Variants in SYDE2 observed in about 807,000 individuals in gnomAD.
SYDE2 encodes synapse defective Rho GTPase homolog 2.
Under a neutral mutation model 91.5 loss-of-function variants are expected in SYDE2, and 76 were observed. The observed-to-expected ratio is 0.83, with a 90% CI of 0.69 to 1.01. The LOEUF (loss-of-function observed/expected upper bound fraction) is 1.01. SYDE2 is among the 50% of genes least tolerant of loss of function. The probability of loss-of-function intolerance (pLI) is 0.00; values close to 1 mark genes in which losing one functional copy is unlikely to be tolerated. For synonymous variants in SYDE2, 513 were observed against 506.4 expected (o/e 1.01, Z -0.18); for missense variants, 1,364 against 1,367.7 (o/e 1.00, Z 0.04).
chr1:85,190,115 G>A lies in SYDE2; in HGVS notation c.1383C>T (p.His461=), dbSNP rs766559650. 10 of 1,613,788 alleles carry A rather than the reference G, an allele frequency of 6.2e-6. No individual in the cohort carries two copies. The highest frequency in any genetic ancestry group is 5.0e-5 in the Admixed American group (3 of 60,002). ...CCACCATTATACCTTCTTGTGTCTT[G>A]TGTCCTAGCTTTTGCTTGTACTGCT... The part of the protein sequence containing the change: ...FVQQYKQKLG[H]KTQEGIMVED... Residue 461 remains histidine, a synonymous_variant, in exon 2 of 7, where the codon CAC becomes CAT. Transcript: ENST00000341460.
intron 4 of SYDE2, among the ~76,000 whole-genome samples, chr1:85,169,632 C>A (rs1657427027): frequency 6.6e-6 from 1 of 152,146 alleles, no homozygotes; most frequent in African/African-American, 2.4e-5. Flanking sequence ...AGTTTCTAGA[C>A]TTTAAATTGA....
At chr1:85,155,342 C>T (rs577643922), downstream of SYDE2, among the ~76,000 whole-genome samples, 3 of 152,064 alleles carry the variant, frequency 2.0e-5, no homozygotes, top group East Asian at 5.8e-4. Flanking sequence ...TTTCTTCTGT[C>T]GAGAAATAAA....
chr1:85,182,521 C>G lies in SYDE2; in HGVS notation c.2121G>C (p.Gln707His), dbSNP rs1424830089. The G allele has an allele frequency of 6.2e-7, 1 of 1,613,738 alleles. No homozygotes were observed. The highest frequency in any genetic ancestry group is 8.5e-7 in the Non-Finnish European group (1 of 1,179,856). Residue 707 changes from glutamine to histidine, a missense_variant, in exon 3 of 7, where the codon CAG becomes CAC. Physicochemically the swap from Gln to His is conservative, Grantham distance 24 (BLOSUM62 0). Coordinates refer to ENST00000341460, the MANE Select transcript of SYDE2 (RefSeq NM_032184.2). ...TTCTTGCTTTGTTTACTGAATCTAC[C>G]TGAATTGCACAAAAGACGTCTTTTG... ...IDSKDVFCAI[Q>H]VDSVNKARTA... is the part of the protein sequence containing the mutation.
chr1:85,194,146 A>G (rs2100692328), intron 1 of SYDE2, among the ~76,000 whole-genome samples: 1 of 151,774 alleles, frequency 6.6e-6, no homozygotes, highest in Admixed American at 6.6e-5. Flanking sequence ...AATAAACTTG[A>G]GCAATTATTT....
At chr1:85,195,962 C>G (rs1658570026) in intron 1 of SYDE2, among the ~76,000 whole-genome samples, 1 of 152,136 alleles carries the variant, frequency 6.6e-6, no homozygotes, top group African/African-American at 2.4e-5. Context: ...GGTCACAAGC[C>G]TGGTAAGTGG....
downstream of SYDE2, among the ~76,000 whole-genome samples, chr1:85,156,625 G>A (rs1339721549): frequency 2.0e-5 from 3 of 152,072 alleles, no homozygotes. Flanking sequence ...ACAAAAAAAT[G>A]ATAGAATTCT....
chr1:85,180,804 A>G (rs1412039643), intron 3 of SYDE2, among the ~76,000 whole-genome samples: 2 of 152,192 alleles, frequency 1.3e-5, no homozygotes, highest in Non-Finnish European at 2.9e-5. Flanking sequence ...AATATTTCAG[A>G]AAATAGACTG....
chr1:85,197,384 ATAAT>A (rs1172508997), intron 1 of SYDE2, among the ~76,000 whole-genome samples: 3 of 152,242 alleles, frequency 2.0e-5, no homozygotes, highest in Admixed American at 1.3e-4. Flanking sequence ...ATTCCACTGA[ATAAT>A]TATTCTGTAT....
Position 85,182,734 on chromosome 1 carries a change from A to G in SYDE2, c.1908T>C (p.His636=). The part of the protein sequence containing the change: ...SPELTTKASK[H]GSENKFGKGK... ...CTTTTCCAAATTTGTTTTCAGATCC[A>G]TGTTTGCTAGCTTTAGTTGTAAGTT... is the stretch of plus-strand genomic sequence containing the variant. The change falls in exon 3 of 7, where the codon CAT becomes CAC. Residue 636 remains histidine (H), a synonymous_variant. Transcript: ENST00000341460. 1 of 1,613,920 alleles carries G rather than the reference A, an allele frequency of 6.2e-7. No individual in the cohort carries two copies. The highest frequency in any genetic ancestry group is 1.1e-5 in the South Asian group (1 of 91,074).
intron 1 of SYDE2, among the ~76,000 whole-genome samples, chr1:85,197,427 ATATC>A (rs1658629412): frequency 6.6e-6 from 1 of 152,168 alleles, no homozygotes. Flanking sequence ...TTTTGACAAA[ATATC>A]TTATGAATAA....
chr1:85,195,917 G>T (rs947259990), intron 1 of SYDE2, among the ~76,000 whole-genome samples: 2 of 152,172 alleles, frequency 1.3e-5, no homozygotes, highest in African/African-American at 4.8e-5. Flanking sequence ...GCAACCTGAG[G>T]ACTGAGGCTA....
At chr1:85,181,556 G>A (rs1657921702) in intron 3 of SYDE2, 1 of 152,036 alleles carries the variant, frequency 6.6e-6, no homozygotes, top group African/African-American at 2.4e-5. Context: ...CAGAATCCAG[G>A]TATTCTGTAT....
Position 85,200,824 on chromosome 1 carries a change from T to C in SYDE2, c.173A>G (p.Gln58Arg). 2 of 1,416,632 alleles carry C rather than the reference T, an allele frequency of 1.4e-6. No individual in the cohort carries two copies. The highest frequency in any genetic ancestry group is 1.8e-6 in the Non-Finnish European group (2 of 1,093,502). The allele number at this position is 1,416,632 out of a possible 1,614,324, so 87.8% of individuals were successfully genotyped here. A position where few individuals can be genotyped will look rare whatever the true frequency, so the allele number is the denominator to read the frequency against. The change falls in exon 1 of 7, where the codon CAG (glutamine) becomes CGG (arginine). Residue 58 changes from glutamine (Q) to arginine (R), a missense_variant. Transcript: ENST00000341460. ...CTGAGGCGACCGGGGCGGGGACACC[T>C]GCTGCCGAGGGCGTCCGCCGCCTCC... is the stretch of plus-strand genomic sequence containing the variant. ...ERGGGGRPRQ[Q>R]VSPPRSPQRE...
At chr1:85,152,970 A>G (rs1656811851), downstream of SYDE2, 1 of 152,254 alleles carries the variant, frequency 6.6e-6, no homozygotes, top group South Asian at 2.1e-4. Flanking sequence ...AAAAAAACCC[A>G]GAAATCTCCA....
chr1:85,200,936 T>G lies in SYDE2; in HGVS notation c.61A>C (p.Ser21Arg). The G allele has an allele frequency of 7.6e-7, 1 of 1,321,378 alleles. No homozygotes were observed. The highest frequency in any genetic ancestry group is 9.6e-7 in the Non-Finnish European group (1 of 1,045,312). 81.9% of individuals were successfully genotyped at this position (1,321,378 alleles called of 1,614,324 possible). ...GGAGCCCGGGCTCCCGCGGGGAAGC[T>G]GTGATCCGCCAAGCCCCTGCCGCCC... ...RRGGRGLADH[S>R]FPAGARAPGQ... Residue 21 changes from serine (S) to arginine (R), a missense_variant, in exon 1 of 7, where the codon AGC becomes CGC. Coordinates refer to ENST00000341460, the MANE Select transcript of SYDE2 (RefSeq NM_032184.2).
At position 85,182,098 on chromosome 1, in the gene SYDE2, C is replaced by T. The variant is rs1404435285; in HGVS notation, c.2544G>A (p.Gln848=). 1 of 1,578,424 alleles carries T rather than the reference C, an allele frequency of 6.3e-7. No homozygotes were observed. Residue 848 remains glutamine, a splice_region_variant and synonymous_variant, in exon 3 of 7, where the codon CAG becomes CAA. Transcript: ENST00000341460. The part of the protein sequence containing the change: ...CIMEIEKRGC[Q]VVGLYRLCGS... ...GTAGGGAACCATAGTAAGATAATAC[C>T]TGACAGCCTCTCTTTTCAATTTCCA...
intron 4 of SYDE2, among the ~76,000 whole-genome samples, chr1:85,171,419 G>T (rs759329127): frequency 6.6e-6 from 1 of 152,064 alleles, no homozygotes; most frequent in Non-Finnish European, 1.5e-5. Context: ...AGAGGAGAGT[G>T]GCAAAAGTGA....
intron 2 of SYDE2, among the ~76,000 whole-genome samples, chr1:85,184,141 T>C (rs2100675661): frequency 6.6e-6 from 1 of 152,218 alleles, no homozygotes; most frequent in South Asian, 2.1e-4. Context: ...TCTTTAAATA[T>C]AAATTTATGA....
At chr1:85,171,597 C>A (rs1303746599) in intron 4 of SYDE2, among the ~76,000 whole-genome samples, 1 of 152,038 alleles carries the variant, frequency 6.6e-6, no homozygotes, top group African/African-American at 2.4e-5. Context: ...GAGCCCCATG[C>A]CAGCCATACT....
Sources: gnomAD v4.1 joint callset for allele counts (sites outside exome capture counted in the v4.1 genomes callset) on GRCh38, gnomAD v4.1.1 for gene constraint, MANE v1.5 for transcripts, NCBI Gene and HGNC (gene_info 2026-07-23, HGNC 2026-07-21) for gene names.